Variants in POLQ observed in about 807,000 individuals in gnomAD.
POLQ encodes DNA polymerase theta.
In POLQ, 233 loss-of-function variants were observed where a neutral mutation model predicts 259.2. That is an observed-to-expected ratio of 0.90 (90% CI 0.81 to 1.00). POLQ has a LOEUF of 1.00. Ranked by LOEUF, POLQ falls within the 50% of genes least tolerant of loss-of-function variation. The pLI, the probability that POLQ is intolerant of heterozygous loss-of-function variation, is 0.00. For synonymous variants in POLQ, 1,025 were observed against 1,048.8 expected, an observed-to-expected ratio of 0.98 and a Z score of 0.44; for missense variants, 2,871 against 3,051.6, an observed-to-expected ratio of 0.94 and a Z score of 1.39.
In POLQ at chr3:121,450,539, G is replaced by A. The variant is rs1296476210; in HGVS notation, c.7153-1113C>T. ...CCCCCCTCCCCCAACCCCACAACGG[G>A]CCCCAGTGTGTGATGTTCCCTGTCC... On this transcript the variant is annotated intron_variant, in intron 25 of 29. Transcript: ENST00000264233. Among the ~76,000 whole-genome samples, 16 of 114,664 alleles carry A rather than the reference G, an allele frequency of 1.4e-4. No homozygotes were observed. The Admixed American group carries it at 1.6e-3, about 11-fold the overall frequency. 75.2% of individuals were successfully genotyped at this position (114,664 alleles called of 152,430 possible). A position where few individuals can be genotyped will look rare whatever the true frequency, so the allele number is the denominator to read the frequency against.
At chr3:121,522,766 G>T (rs891860192) in intron 7 of POLQ, among the ~76,000 whole-genome samples, 5 of 152,160 alleles carry the variant, frequency 3.3e-5, no homozygotes, top group African/African-American at 1.2e-4. Flanking sequence ...GTAAGACGAA[G>T]CCCACAGGAG....
At position 121,489,458 on chromosome 3, in the gene POLQ, C is replaced by T; in HGVS notation, c.3473G>A (p.Gly1158Asp). The T allele has an allele frequency of 6.2e-7, 1 of 1,613,978 alleles. No individual in the cohort carries two copies. Among genetic ancestry groups the T allele is most frequent in the Non-Finnish European group, 8.5e-7 (1 of 1,179,938 alleles). ...CQATSVVSEKGRGVAVEAEKI... is the reference protein window; with the variant it reads ...CQATSVVSEKDRGVAVEAEKI... Reference sequence around the variant, plus strand: ...TTCTGCCTCAACAGCTACTCCTCTGCCCTTTTCACTAACCACACTAGTGGC... The same window carrying T: ...TTCTGCCTCAACAGCTACTCCTCTGTCCTTTTCACTAACCACACTAGTGGC... Residue 1158 changes from glycine (G) to aspartate (D), a missense_variant, in exon 16 of 30, where the codon GGC (glycine) becomes GAC (aspartate). Gly to Asp is a moderately conservative substitution (Grantham distance 94). Coordinates refer to ENST00000264233, the MANE Select transcript of POLQ (RefSeq NM_199420.4).
At chr3:121,432,464 G>A in intron 29 of POLQ, 47 bp from the exon 30 acceptor site, 2 of 1,581,040 alleles carry the variant, frequency 1.3e-6, no homozygotes, top group Non-Finnish European at 1.7e-6. Context: ...GTCAAAGAAT[G>A]TTTCCCAAAC....
Position 121,510,123 on chromosome 3 carries a change from G to A in POLQ, c.1732C>T (p.Gln578Ter). Residue 578 changes from glutamine to a stop codon, truncating the protein, a stop_gained, in exon 11 of 30, where the codon CAG becomes TAG. Transcript: ENST00000264233. LOFTEE classifies it high-confidence loss of function. ...QGIQRNQESVQLGAIEACVMW... is the reference protein window; with the variant it reads ...QGIQRNQESV The stretch of plus-strand genomic sequence containing the variant: ...ACACAGGCCTCAATCGCTCCAAGCT[G>A]AACAGACTCTTGATTTCTCTGAATT... 1 of 1,613,986 alleles carries A rather than the reference G, an allele frequency of 6.2e-7. No individual in the cohort carries two copies. The highest frequency in any genetic ancestry group is 8.5e-7 in the Non-Finnish European group (1 of 1,179,882).
intron 12 of POLQ, among the ~76,000 whole-genome samples, chr3:121,509,089 CTTG>C (rs1178082596): frequency 1.3e-5 from 2 of 152,136 alleles, no homozygotes; most frequent in African/African-American, 4.8e-5. Context: ...TTTTCCTAAA[CTTG>C]TTTTGTTTTT....
chr3:121,518,879 T>C (rs1296966337), intron 9 of POLQ, among the ~76,000 whole-genome samples: 1 of 152,132 alleles, frequency 6.6e-6, no homozygotes, highest in African/African-American at 2.4e-5. Context: ...TCTTCAATGT[T>C]AGATGGCTGA....
chr3:121,519,150 T>C (rs2048318872), intron 9 of POLQ, among the ~76,000 whole-genome samples: 4 of 152,066 alleles, frequency 2.6e-5, no homozygotes, highest in Admixed American at 2.6e-4. Context: ...CCAGCATCCT[T>C]GTCTGATTTC....
intron 25 of POLQ, among the ~76,000 whole-genome samples, chr3:121,453,501 A>G (rs2108780092): frequency 6.6e-6 from 1 of 152,366 alleles, no homozygotes; most frequent in South Asian, 2.1e-4. Flanking sequence ...AATAAAATTT[A>G]GACAAATGTA....
intron 12 of POLQ, among the ~76,000 whole-genome samples, chr3:121,506,250 T>C (rs928361185): frequency 1.3e-4 from 19 of 149,672 alleles, no homozygotes; most frequent in African/African-American, 4.5e-4. Context: ...CCCTAATATA[T>C]AAAAAAACCT....
chr3:121,514,022 C>CAAAAAA (rs1185320178), intron 9 of POLQ, among the ~76,000 whole-genome samples: 2 of 27,654 alleles, frequency 7.2e-5, no homozygotes, highest in Admixed American at 3.9e-4. Context: ...AACTCCATCT[C>CAAAAAA]AAAAAAAAAA....
At chr3:121,441,412 G>C (rs904966631) in intron 26 of POLQ, among the ~76,000 whole-genome samples, 33 of 152,114 alleles carry the variant, frequency 2.2e-4, no homozygotes, top group African/African-American at 7.5e-4. Flanking sequence ...ATCACCCTCA[G>C]ACACTCACTC....
At chr3:121,512,140 T>C in intron 9 of POLQ, 111 bp from the exon 10 acceptor site, 1 of 816,044 alleles carries the variant, frequency 1.2e-6, no homozygotes, top group Non-Finnish European at 1.9e-6. Flanking sequence ...GAGATGATAG[T>C]GGTTGTTATG....
chr3:121,525,151 C>G (rs995998761), intron 7 of POLQ, among the ~76,000 whole-genome samples: 1 of 152,098 alleles, frequency 6.6e-6, no homozygotes. Context: ...ACCATCCTGG[C>G]TAACACGGTG....
At position 121,512,015 on chromosome 3, in the gene POLQ, T is replaced by A. The variant is rs748558539; in HGVS notation, c.1483A>T (p.Ile495Phe). 1 of 1,613,018 alleles carries A rather than the reference T, an allele frequency of 6.2e-7. No individual in the cohort carries two copies. Among genetic ancestry groups the A allele is most frequent in the East Asian group, 2.2e-5 (1 of 44,858 alleles). Residue 495 changes from isoleucine (I) to phenylalanine (F), a missense_variant, in exon 10 of 30, where the codon ATT becomes TTT. By Grantham distance (21) the Ile-to-Phe change is conservative. This residue lies in a region of POLQ where 783 missense variants were observed against 906.2 expected (regional missense o/e 0.86). Coordinates refer to ENST00000264233, the MANE Select transcript of POLQ (RefSeq NM_199420.4). ...GVDTVGESILICKNSEKSKGI... is the reference protein window; with the variant it reads ...GVDTVGESILFCKNSEKSKGI... ...TTTGATTTCTCAGAGTTCTTACAAA[T>A]TAAGATACTCTCGCCTATAACCAAA...
rs748850996 is a variant in POLQ, at chr3:121,522,284, C to CTTT, written c.1109-138_1109-136dup. The CTTT allele has an allele frequency of 1.5e-3, 86 of 56,314 alleles. 22 individuals carry two copies. The highest frequency in any genetic ancestry group is 2.2e-3 in the Non-Finnish European group (66 of 29,364). 3.5% of individuals were successfully genotyped at this position (56,314 alleles called of 1,614,324 possible). A position where few individuals can be genotyped will look rare whatever the true frequency, so the allele number is the denominator to read the frequency against. ...GCATACTATATAATCCCCTGGAGAT[C>CTTT]TTTTTTTTTTTTTTTTTTTTTTTTT... On this transcript the variant is annotated intron_variant, in intron 7 of 29. Transcript: ENST00000264233.
At position 121,533,225 on chromosome 3, in the gene POLQ, T is replaced by C; in HGVS notation, c.741-16A>G. The C allele has an allele frequency of 2.0e-6, 3 of 1,498,470 alleles. No homozygotes were observed. The highest frequency in any genetic ancestry group is 2.7e-6 in the Non-Finnish European group (3 of 1,101,970). The allele number at this position is 1,498,470 out of a possible 1,614,324, so 92.8% of individuals were successfully genotyped here. ...ATCTGCCTGACTGTAAAAAAACAAA[T>C]GAAAAGAACATTAAAAGATATATAA... On this transcript the variant is annotated splice_polypyrimidine_tract_variant and intron_variant, in intron 5 of 29. Coordinates refer to ENST00000264233, the MANE Select transcript of POLQ (RefSeq NM_199420.4).
At position 121,485,088 on chromosome 3, in the gene POLQ, C is replaced by T. The variant is rs772997310; in HGVS notation, c.5726G>A (p.Gly1909Glu). 2 of 1,613,154 alleles carry T rather than the reference C, an allele frequency of 1.2e-6. No homozygotes were observed. Among genetic ancestry groups the T allele is most frequent in the East Asian group, 4.5e-5 (2 of 44,832 alleles). ...LVVGLAVCWG[G>E]RDAYYFSLQK... ...CAGTGAAAAATAATAGGCATCCCTT[C>T]CACCCCAGCATACTGCCAGTCCAAC... Residue 1909 changes from glycine to glutamate, a missense_variant, in exon 17 of 30, where the codon GGA becomes GAA. Gly to Glu is a moderately conservative substitution (Grantham distance 98, BLOSUM62 -2). Around this residue, in one of 3 missense-constraint regions of POLQ, gnomAD observed 2,080 missense variants for 2,126.0 expected, o/e 0.98. Transcript: ENST00000264233.
intron 2 of POLQ, among the ~76,000 whole-genome samples, chr3:121,544,296 T>C (rs1345514870): frequency 6.6e-6 from 1 of 151,904 alleles, no homozygotes; most frequent in Non-Finnish European, 1.5e-5. Context: ...GAAGTTGCAG[T>C]AAGCCCACAT....
intron 15 of POLQ, among the ~76,000 whole-genome samples, chr3:121,492,954 G>A (rs138298434): frequency 7.2e-4 from 109 of 151,884 alleles, no homozygotes; most frequent in African/African-American, 2.5e-3. Flanking sequence ...CCACTCAGAC[G>A]TTCTAGCAGG....
Sources: allele counts gnomAD v4.1 joint callset (sites outside exome capture counted in the v4.1 genomes callset), GRCh38; gene constraint gnomAD v4.1.1; regional missense constraint gnomAD v4.1.1; transcripts MANE v1.5; gene names NCBI Gene and HGNC (gene_info 2026-07-23, HGNC 2026-07-21).